Variants in CDKL5 observed in about 807,000 individuals in gnomAD.
CDKL5 encodes the protein cyclin-dependent kinase-like 5.
CDKL5 carries 8 observed loss-of-function variants against 61.7 expected under a neutral mutation model. That is an observed-to-expected ratio of 0.13 (90% CI 0.08 to 0.23). CDKL5 has a LOEUF of 0.23. Among genes scored for constraint, CDKL5 ranks in the 10% least tolerant of loss-of-function variants. The probability of loss-of-function intolerance (pLI) is 1.00; values close to 1 mark genes in which losing one functional copy is unlikely to be tolerated. For synonymous variants in CDKL5, 275 were observed against 272.3 expected (o/e 1.01, Z -0.10); for missense variants, 440 against 734.5 (o/e 0.60, Z 4.63).
At chrX:18,507,229 G>A in intron 2 of CDKL5, 69 bp downstream of exon 2, 1 of 694,418 alleles carries the variant, frequency 1.4e-6, no homozygotes, top group South Asian at 2.1e-5. Context: ...CCACCAAAAA[G>A]TTACTAATTA....
chrX:18,442,559 T>C (rs2147625999), intron 1 of CDKL5: 1 of 111,359 alleles, frequency 9.0e-6, no homozygotes, highest in African/African-American at 3.3e-5. Flanking sequence ...TGTGGCGCGA[T>C]CTCGGCTCAC....
At chrX:18,483,845 G>T (rs1436607989) in intron 1 of CDKL5, among the ~76,000 whole-genome samples, 1 of 111,998 alleles carries the variant, frequency 8.9e-6, no homozygotes, top group Admixed American at 9.5e-5. Context: ...GAAAATAGCA[G>T]ATAACAAACA....
chrX:18,436,897 C>CA (rs60845430), intron 1 of CDKL5, among the ~76,000 whole-genome samples: 876 of 15,446 alleles, frequency 0.057, 35 homozygotes, highest in African/African-American at 0.086. Context: ...ACTCTTGACT[C>CA]AAAAAAAAAA....
At chrX:18,496,125 T>G (rs759493522) in intron 1 of CDKL5, among the ~76,000 whole-genome samples, 2 of 112,510 alleles carry the variant, frequency 1.8e-5, no homozygotes, top group African/African-American at 6.4e-5. Context: ...AGAGGTTTAT[T>G]CTGAGCTAAT....
chrX:18,514,126 A>T (rs779384553), intron 3 of CDKL5, among the ~76,000 whole-genome samples: 1 of 111,370 alleles, frequency 9.0e-6, no homozygotes, highest in African/African-American at 3.3e-5. Flanking sequence ...GCAGTAATTG[A>T]GAGATCATGC....
chrX:18,502,397 T>A (rs1922420084), intron 1 of CDKL5, among the ~76,000 whole-genome samples: 1 of 112,018 alleles, frequency 8.9e-6, no homozygotes, highest in Admixed American at 9.5e-5. Context: ...TTAAAAAATT[T>A]TTGATTCCAG....
At chrX:18,625,335 C>A in intron 17 of CDKL5, 88 bp downstream of exon 17, 1 of 1,021,163 alleles carries the variant, frequency 9.8e-7, no homozygotes, top group Non-Finnish European at 1.4e-6. Context: ...GAAAACTTAG[C>A]CTCTCAATGT....
chrX:18,638,045 A>G lies in CDKL5; in HGVS notation c.*9288A>G, dbSNP rs1346919995. The stretch of plus-strand genomic sequence containing the variant: ...CAACAGTCCTTGTAAGCTGTTTGTC[A>G]GTGGGCCTTAGCAACCAAGCCCCAA... On this transcript the variant is annotated 3_prime_UTR_variant, in exon 18 of 18. Transcript: ENST00000623535. 9.0e-6 allele frequency: 1 copy of G among 111,599 alleles called. No homozygotes were observed. Among genetic ancestry groups the G allele is most frequent in the Admixed American group, 9.6e-5 (1 of 10,465 alleles). 9.2% of individuals were successfully genotyped at this position (111,599 alleles called of 1,213,427 possible).
intron 3 of CDKL5, among the ~76,000 whole-genome samples, chrX:18,563,878 A>G (rs1414832819): frequency 8.9e-6 from 1 of 111,899 alleles, no homozygotes; most frequent in East Asian, 2.8e-4. Context: ...AACAACAAAA[A>G]AGATTTTCAT....
At chrX:18,437,202 A>C (rs768142327) in intron 1 of CDKL5, among the ~76,000 whole-genome samples, 1 of 111,674 alleles carries the variant, frequency 9.0e-6, no homozygotes, top group East Asian at 2.8e-4. Context: ...GTTTCATTAA[A>C]ATTTTTGTAA....
chrX:18,447,809 C>T (rs1429255182), intron 1 of CDKL5, among the ~76,000 whole-genome samples: 1 of 111,298 alleles, frequency 9.0e-6, no homozygotes, highest in Non-Finnish European at 1.9e-5. Context: ...TTCAGTTGCA[C>T]TTATATACAG....
intron 1 of CDKL5, among the ~76,000 whole-genome samples, chrX:18,434,957 T>C (rs1931579676): frequency 9.0e-6 from 1 of 111,712 alleles, no homozygotes; most frequent in African/African-American, 3.3e-5. Flanking sequence ...TTGTATTATG[T>C]TTAAAGATTA....
At chrX:18,558,089 C>T (rs1280959526) in intron 3 of CDKL5, among the ~76,000 whole-genome samples, 1 of 110,657 alleles carries the variant, frequency 9.0e-6, no homozygotes, top group Non-Finnish European at 1.9e-5. Context: ...TCTAAAGTTA[C>T]CTAGTCTCTC....
At chrX:18,554,065 T>TA (rs201052667) in intron 3 of CDKL5, among the ~76,000 whole-genome samples, 2,838 of 101,774 alleles carry the variant, frequency 0.028, 33 homozygotes, top group South Asian at 0.073. Flanking sequence ...TATATATATA[T>TA]TTTTTTTTTT....
rs913056507 is a variant in CDKL5, at chrX:18,478,810, A to G, written c.-162-28125A>G. Among the ~76,000 whole-genome samples, 13 of 108,123 alleles carry G rather than the reference A, an allele frequency of 1.2e-4. No individual in the cohort carries two copies. In the South Asian group the frequency reaches 1.2e-3, roughly 10 times the overall value. The allele number at this position is 108,123 out of a possible 115,157, so 93.9% of individuals were successfully genotyped here. A position where few individuals can be genotyped will look rare whatever the true frequency, so the allele number is the denominator to read the frequency against. ...ACTGCAACCTCTCCCTCTCGGGTTC[A>G]AGTGATTCTCCTGCCTCAGCCTCCC... On this transcript the variant is annotated intron_variant, in intron 1 of 17. Transcript: ENST00000623535.
chrX:18,488,876 T>C (rs1170556521), intron 1 of CDKL5, among the ~76,000 whole-genome samples: 2 of 111,891 alleles, frequency 1.8e-5, no homozygotes, highest in African/African-American at 6.5e-5. Context: ...ACAGACTCTT[T>C]GTAGCAGTAA....
intron 1 of CDKL5, among the ~76,000 whole-genome samples, chrX:18,435,465 C>T (rs1931589689): frequency 8.9e-6 from 1 of 111,824 alleles, no homozygotes; most frequent in African/African-American, 3.2e-5. Context: ...ATCTGTCCTT[C>T]ATTCATTTAA....
chrX:18,539,618 G>C (rs369468703), intron 3 of CDKL5, among the ~76,000 whole-genome samples: 1 of 111,352 alleles, frequency 9.0e-6, no homozygotes. Context: ...TTTGTTTTGT[G>C]GCCCAAGATG....
chrX:18,494,794 A>G (rs994993296), intron 1 of CDKL5, among the ~76,000 whole-genome samples: 4 of 112,334 alleles, frequency 3.6e-5, no homozygotes, highest in Non-Finnish European at 3.8e-5. Flanking sequence ...ATGATAATCA[A>G]ATATCTGTTT....
Sources: allele counts gnomAD v4.1 joint callset (sites outside exome capture counted in the v4.1 genomes callset), GRCh38; gene constraint gnomAD v4.1.1; transcripts MANE v1.5; gene names NCBI Gene and HGNC (gene_info 2026-07-23, HGNC 2026-07-21).